Variants in ZNF385B observed in about 807,000 individuals in gnomAD.
ZNF385B encodes the protein zinc finger protein 385B.
Under a neutral mutation model 39.2 loss-of-function variants are expected in ZNF385B, and 23 were observed. That is an observed-to-expected ratio of 0.59 (90% CI 0.42 to 0.83). The LOEUF is 0.83. ZNF385B is among the 40% of genes least tolerant of loss of function. The pLI is 0.00. For missense variants in ZNF385B, 552 were observed against 598.9 expected, an observed-to-expected ratio of 0.92 and a Z score of 0.82; for synonymous variants, 205 against 222.6, an observed-to-expected ratio of 0.92 and a Z score of 0.70.
At chr2:179,774,639 G>A (rs189392874) in intron 1 of ZNF385B, among the ~76,000 whole-genome samples, 304 of 152,240 alleles carry the variant, frequency 2.0e-3, no homozygotes, top group Middle Eastern at 0.014. Flanking sequence ...TTACAAGTGT[G>A]AGCCACCGCA....
At chr2:179,495,432 AC>A (rs1284920000) in intron 5 of ZNF385B, among the ~76,000 whole-genome samples, 8 of 152,186 alleles carry the variant, frequency 5.3e-5, no homozygotes, top group Non-Finnish European at 8.8e-5. Context: ...GGGGGACCTC[AC>A]CGCCCTAAAG....
chr2:179,634,973 C>CAAAAAAAAAAAAA (rs66671134), intron 3 of ZNF385B, among the ~76,000 whole-genome samples: 1 of 115,588 alleles, frequency 8.7e-6, no homozygotes, highest in Non-Finnish European at 1.8e-5. Context: ...ACTAAAAATA[C>CAAAAAAAAAAAAA]AAAAAAAAAA....
At chr2:179,673,838 G>A (rs1465508638) in intron 3 of ZNF385B, among the ~76,000 whole-genome samples, 1 of 151,928 alleles carries the variant, frequency 6.6e-6, no homozygotes, top group Non-Finnish European at 1.5e-5. Context: ...CTCTCACAAT[G>A]GAATATTTCT....
At chr2:179,750,965 T>C (rs1474300778) in intron 3 of ZNF385B, among the ~76,000 whole-genome samples, 2 of 152,116 alleles carry the variant, frequency 1.3e-5, no homozygotes, top group African/African-American at 2.4e-5. Context: ...GTAAAATACA[T>C]TATCATACTG....
chr2:179,532,907 C>T (rs574350458), intron 4 of ZNF385B, among the ~76,000 whole-genome samples: 246 of 152,226 alleles, frequency 1.6e-3, no homozygotes, highest in African/African-American at 5.6e-3. Context: ...ATCATGCTCT[C>T]GGCAGAGGAT....
intron 1 of ZNF385B, among the ~76,000 whole-genome samples, chr2:179,822,526 C>T (rs1326391798): frequency 6.6e-6 from 1 of 152,162 alleles, no homozygotes; most frequent in African/African-American, 2.4e-5. Context: ...TGATGGAGTC[C>T]TGCACTCACC....
intron 3 of ZNF385B, among the ~76,000 whole-genome samples, chr2:179,756,126 C>T (rs2106478406): frequency 1.3e-5 from 2 of 151,962 alleles, no homozygotes; most frequent in South Asian, 2.1e-4. Flanking sequence ...ACCCGTTGTT[C>T]CTTTCCATGT....
At chr2:179,840,481 GA>G (rs890369204) in intron 1 of ZNF385B, among the ~76,000 whole-genome samples, 16 of 152,164 alleles carry the variant, frequency 1.1e-4, no homozygotes, top group African/African-American at 2.4e-5. Context: ...GCTGAAATTA[GA>G]AAAGGAAGTG....
chr2:179,474,398 G>C (rs1326199570), intron 6 of ZNF385B, among the ~76,000 whole-genome samples: 2 of 152,170 alleles, frequency 1.3e-5, no homozygotes, highest in East Asian at 3.9e-4. Context: ...TCTTTACATA[G>C]TAGTAACATA....
chr2:179,837,783 C>T (rs893719201), intron 1 of ZNF385B, among the ~76,000 whole-genome samples: 3 of 152,156 alleles, frequency 2.0e-5, no homozygotes, highest in Non-Finnish European at 4.4e-5. Flanking sequence ...CCTTTTAAAG[C>T]TCTTTATAGT....
At chr2:179,847,210 C>T (rs986391857) in intron 1 of ZNF385B, among the ~76,000 whole-genome samples, 10 of 152,154 alleles carry the variant, frequency 6.6e-5, no homozygotes, top group African/African-American at 2.4e-4. Flanking sequence ...CAGGCTATAG[C>T]TGATAACTTT....
At chr2:179,483,247 G>A in intron 6 of ZNF385B, 25 bp downstream of exon 6, 1 of 1,612,940 alleles carries the variant, frequency 6.2e-7, no homozygotes, top group South Asian at 1.1e-5. Flanking sequence ...CACAAAGAAT[G>A]TAAAGAACAA....
intron 1 of ZNF385B, among the ~76,000 whole-genome samples, chr2:179,809,836 G>A (rs549659201): frequency 2.6e-5 from 4 of 152,022 alleles, no homozygotes; most frequent in Admixed American, 2.6e-4. Flanking sequence ...AGAACTGTGG[G>A]AAAATGACTT....
rs547002111 is a variant in ZNF385B at position 179,776,494 on chromosome 2, A to G, written c.-154-5822T>C. Among the ~76,000 whole-genome samples, 4 of 152,262 alleles carry G rather than the reference A, an allele frequency of 2.6e-5. No homozygotes were observed. The South Asian group carries it at 8.3e-4, about 32-fold the overall frequency. On this transcript the variant is annotated intron_variant, in intron 1 of 9. Transcript: ENST00000410066. ...CAGGGAACCCCCATATCTATTTACA[A>G]TTGTTGAATTATCCTCTTGTATAAC... is the stretch of plus-strand genomic sequence containing the variant.
intron 1 of ZNF385B, among the ~76,000 whole-genome samples, chr2:179,821,532 G>C (rs556838026): frequency 6.6e-6 from 1 of 152,184 alleles, no homozygotes; most frequent in East Asian, 1.9e-4. Context: ...ATACTCTCGA[G>C]TAATGACTTT....
At chr2:179,855,130 T>C (rs964706789) in intron 1 of ZNF385B, among the ~76,000 whole-genome samples, 2 of 152,130 alleles carry the variant, frequency 1.3e-5, no homozygotes, top group East Asian at 1.9e-4. Context: ...CCAGTTAATA[T>C]TGTTTATGTC....
chr2:179,552,544 T>C (rs1476409877), intron 3 of ZNF385B, among the ~76,000 whole-genome samples: 2 of 149,388 alleles, frequency 1.3e-5, no homozygotes, highest in Admixed American at 6.7e-5. Context: ...CATTTCAGAT[T>C]TTCTGCCATA....
At chr2:179,508,255 A>G (rs1360113674) in intron 5 of ZNF385B, among the ~76,000 whole-genome samples, 2 of 152,238 alleles carry the variant, frequency 1.3e-5, no homozygotes, top group South Asian at 4.1e-4. Context: ...TTGGAAGGCT[A>G]CAGGTGTTCA....
At chr2:179,640,365 C>T (rs1054361520) in intron 3 of ZNF385B, among the ~76,000 whole-genome samples, 2 of 151,874 alleles carry the variant, frequency 1.3e-5, no homozygotes, top group African/African-American at 4.9e-5. Context: ...AGTGAAGTGT[C>T]TTGTTATCTG....
Sources: gnomAD v4.1 joint callset for allele counts (sites outside exome capture counted in the v4.1 genomes callset) on GRCh38, gnomAD v4.1.1 for gene constraint, MANE v1.5 for transcripts, NCBI Gene and HGNC (gene_info 2026-07-23, HGNC 2026-07-21) for gene names.